Variants in CACNB4 observed in about 807,000 individuals in gnomAD.
The protein encoded by CACNB4 is calcium voltage-gated channel auxiliary subunit beta 4.
A neutral mutation model predicts 71.2 loss-of-function variants in CACNB4; 32 were observed. The observed-to-expected ratio is 0.45, with a 90% CI of 0.34 to 0.60. The LOEUF (loss-of-function observed/expected upper bound fraction) is 0.60, where lower values mean the gene tolerates loss of function less well. Ranked by LOEUF, CACNB4 falls within the 20% of genes least tolerant of loss-of-function variation. CACNB4 has a pLI of 0.01. For synonymous variants in CACNB4, 231 were observed against 236.9 expected (o/e 0.97, Z 0.23); for missense variants, 464 against 647.9 (o/e 0.72, Z 3.08).
chr2:151,883,466 T>C lies in CACNB4; in HGVS notation c.148-96A>G, dbSNP rs868011149. On this transcript the variant is annotated intron_variant, in intron 2 of 13. Coordinates refer to ENST00000539935, the MANE Select transcript of CACNB4 (RefSeq NM_000726.5). Reference sequence around the variant, plus strand: ...TGGGGCGAGTTCTTTTTCATTTGCCTAAAATTTGATGCACACACTCCATGC... The same window carrying C: ...TGGGGCGAGTTCTTTTTCATTTGCCCAAAATTTGATGCACACACTCCATGC... The C allele has an allele frequency of 2.0e-5, 23 of 1,171,826 alleles. No individual in the cohort carries two copies. In the African/African-American group the frequency reaches 3.3e-4, roughly 17 times the overall value. 72.6% of individuals were successfully genotyped at this position (1,171,826 alleles called of 1,614,324 possible). A position where few individuals can be genotyped will look rare whatever the true frequency, so the allele number is the denominator to read the frequency against.
At chr2:151,892,555 C>G (rs2099850984) in intron 2 of CACNB4, among the ~76,000 whole-genome samples, 1 of 152,058 alleles carries the variant, frequency 6.6e-6, no homozygotes, top group African/African-American at 2.4e-5. Flanking sequence ...AAAAAACTGG[C>G]TAAAGTTTCT....
At chr2:151,896,390 T>C (rs1578689469) in intron 2 of CACNB4, among the ~76,000 whole-genome samples, 1 of 152,208 alleles carries the variant, frequency 6.6e-6, no homozygotes. Context: ...ACATGCTGCC[T>C]CACCAGCAAA....
chr2:152,098,896 A>T lies in CACNB4; in HGVS notation c.63+53T>A. ...GCGGGGCGCGCTAGGGCGGCGGAGG[A>T]GGTGTGAGGAAGGAAGAGGAGGAAG... On this transcript the variant is annotated intron_variant, in intron 1 of 13. Coordinates refer to ENST00000539935, the MANE Select transcript of CACNB4 (RefSeq NM_000726.5). This position sits in a 1 kb window ranked among gnomAD's most constrained non-coding sequence, Gnocchi z 5.3. 1 of 1,129,496 alleles carries T rather than the reference A, an allele frequency of 8.9e-7. No homozygotes were observed. Among genetic ancestry groups the T allele is most frequent in the Non-Finnish European group, 1.2e-6 (1 of 846,178 alleles). 70.0% of individuals were successfully genotyped at this position (1,129,496 alleles called of 1,614,324 possible). A position where few individuals can be genotyped will look rare whatever the true frequency, so the allele number is the denominator to read the frequency against.
chr2:151,963,190 T>C (rs1330783944), intron 2 of CACNB4, among the ~76,000 whole-genome samples: 2 of 151,484 alleles, frequency 1.3e-5, no homozygotes, highest in Non-Finnish European at 2.9e-5. Context: ...CGGGCACCTG[T>C]AGTCCCAGCT....
chr2:151,869,306 G>C, intron 8 of CACNB4, 71 bp from the exon 9 acceptor site: 1 of 894,214 alleles, frequency 1.1e-6, no homozygotes, highest in South Asian at 1.5e-5. Flanking sequence ...AAAAGGGAGA[G>C]AGGAGGGAGG....
intron 2 of CACNB4, among the ~76,000 whole-genome samples, chr2:151,897,089 C>T (rs1202890058): frequency 6.6e-6 from 1 of 152,208 alleles, no homozygotes; most frequent in Non-Finnish European, 1.5e-5. Flanking sequence ...TTAGATTGAA[C>T]TAAAAATTAC....
intron 2 of CACNB4, among the ~76,000 whole-genome samples, chr2:152,021,067 G>A (rs894485865): frequency 6.6e-6 from 1 of 152,026 alleles, no homozygotes; most frequent in African/African-American, 2.4e-5. Context: ...CCTGGCCAAC[G>A]TGGTGAAACC....
At chr2:152,070,546 A>G (rs1686623876) in intron 2 of CACNB4, among the ~76,000 whole-genome samples, 1 of 152,096 alleles carries the variant, frequency 6.6e-6, no homozygotes, top group Non-Finnish European at 1.5e-5. Flanking sequence ...ACCACACAAG[A>G]AGAAGACAGG....
chr2:152,095,547 C>T (rs547653217), intron 2 of CACNB4, among the ~76,000 whole-genome samples: 4 of 152,190 alleles, frequency 2.6e-5, no homozygotes, highest in Non-Finnish European at 4.4e-5. Flanking sequence ...TCTTCAAAGG[C>T]ATCACAAAGA....
At chr2:152,017,088 A>C (rs1308318473) in intron 2 of CACNB4, among the ~76,000 whole-genome samples, 1 of 148,472 alleles carries the variant, frequency 6.7e-6, no homozygotes, top group Admixed American at 6.6e-5. Context: ...AACTACAAAC[A>C]TGAGACAAGC....
At chr2:152,095,314 T>C (rs745612745) in intron 2 of CACNB4, among the ~76,000 whole-genome samples, 47 of 152,280 alleles carry the variant, frequency 3.1e-4, no homozygotes, top group South Asian at 6.2e-4. Flanking sequence ...CATATGTGCA[T>C]ATATAGTCTC....
At chr2:152,028,181 T>G (rs1684082030) in intron 2 of CACNB4, among the ~76,000 whole-genome samples, 1 of 152,064 alleles carries the variant, frequency 6.6e-6, no homozygotes, top group Non-Finnish European at 1.5e-5. Flanking sequence ...AGCAACAATT[T>G]AGGACTGGGA....
chr2:151,902,917 G>T (rs763177622), intron 2 of CACNB4, among the ~76,000 whole-genome samples: 3 of 152,024 alleles, frequency 2.0e-5, no homozygotes, highest in African/African-American at 7.3e-5. Flanking sequence ...TGCTACTATC[G>T]GGTTAAAATA....
At chr2:152,065,277 G>A (rs1356840109) in intron 2 of CACNB4, among the ~76,000 whole-genome samples, 6 of 152,002 alleles carry the variant, frequency 3.9e-5, no homozygotes, top group Non-Finnish European at 8.8e-5. Flanking sequence ...CCAACTACTC[G>A]GGAGGCTGAG....
intron 2 of CACNB4, among the ~76,000 whole-genome samples, chr2:152,030,583 A>T (rs1192332743): frequency 1.3e-5 from 2 of 152,168 alleles, no homozygotes; most frequent in Non-Finnish European, 2.9e-5. Context: ...TACATTAGGT[A>T]TATCTCCTAA....
intron 2 of CACNB4, among the ~76,000 whole-genome samples, chr2:151,954,650 C>T (rs1025344274): frequency 2.0e-5 from 3 of 152,028 alleles, no homozygotes; most frequent in Admixed American, 1.3e-4. Flanking sequence ...GACATAATAA[C>T]TCTGATAATA....
chr2:151,842,218 G>A, intron 12 of CACNB4, 130 bp from the exon 13 acceptor site: 2 of 677,034 alleles, frequency 3.0e-6, no homozygotes, highest in South Asian at 3.5e-5. Flanking sequence ...GGTGCTATAT[G>A]GGCAGTTTCT....
rs763718335 is a variant in CACNB4 at position 151,839,231 on chromosome 2, T to C, written c.1451A>G (p.His484Arg). ...LSSSSQHSRDHYPLVEEDYPD... is the reference protein window; with the variant it reads ...LSSSSQHSRDRYPLVEEDYPD... Reference sequence around the variant, plus strand: ...GTAATCTTCTTCCACAAGAGGGTAATGATCTCGGCTATGCTGAGAACTGGA... The same window carrying C: ...GTAATCTTCTTCCACAAGAGGGTAACGATCTCGGCTATGCTGAGAACTGGA... The change falls in exon 14 of 14, where the codon CAT becomes CGT. Residue 484 changes from histidine (H) to arginine (R), a missense_variant. His to Arg is a conservative substitution (Grantham distance 29). Around this residue, in one of 3 missense-constraint regions of CACNB4, gnomAD observed 115 missense variants for 128.8 expected, o/e 0.89. Coordinates refer to ENST00000539935, the MANE Select transcript of CACNB4 (RefSeq NM_000726.5). 6.2e-7 allele frequency: 1 copy of C among 1,613,606 alleles called. No individual in the cohort carries two copies. Among genetic ancestry groups the C allele is most frequent in the Non-Finnish European group, 8.5e-7 (1 of 1,179,650 alleles).
At chr2:151,840,838 AT>A (rs1267270360) in intron 13 of CACNB4, among the ~76,000 whole-genome samples, 2 of 152,236 alleles carry the variant, frequency 1.3e-5, no homozygotes, top group Non-Finnish European at 2.9e-5. Context: ...AGAGGGCTCA[AT>A]TGACTACATG....
Sources: gnomAD v4.1 joint callset for allele counts (sites outside exome capture counted in the v4.1 genomes callset) on GRCh38, gnomAD v4.1.1 for gene constraint, gnomAD v4.1.1 regional missense constraint, Gnocchi (gnomAD v3.1) non-coding constraint, MANE v1.5 for transcripts, NCBI Gene and HGNC (gene_info 2026-07-23, HGNC 2026-07-21) for gene names.